Variants in CTRC observed in about 807,000 individuals in gnomAD.
CTRC encodes the protein chymotrypsin-C.
In CTRC, 32 loss-of-function variants were observed where a neutral mutation model predicts 35.7. The ratio of observed to expected loss-of-function variants is 0.90; its 90% CI spans 0.68 to 1.20. CTRC has a LOEUF of 1.20. CTRC is among the 50% of genes most tolerant of loss of function. CTRC has a pLI of 0.00. For synonymous variants in CTRC, 119 were observed against 149.5 expected (o/e 0.80, Z 1.49); for missense variants, 324 against 361.5 (o/e 0.90, Z 0.84).
chr1:15,439,525 G>T (rs1003279758), intron 1 of CTRC, among the ~76,000 whole-genome samples: 1 of 152,022 alleles, frequency 6.6e-6, no homozygotes, highest in Non-Finnish European at 1.5e-5. Flanking sequence ...TTAGTATCTT[G>T]CCTGACATCA....
chr1:15,443,869 A>G (rs1457259669), intron 5 of CTRC, among the ~76,000 whole-genome samples: 1 of 152,198 alleles, frequency 6.6e-6, no homozygotes, highest in Non-Finnish European at 1.5e-5. Flanking sequence ...GGTATACCGT[A>G]TGCCCAAATA....
chr1:15,446,670 T>TGC lies in CTRC; in HGVS notation c.*82_*83insCG. On this transcript the variant is annotated 3_prime_UTR_variant, in exon 8 of 8. Transcript: ENST00000375949. Reference sequence around the variant, plus strand: ...CCTCGGGCCACCTGGATCCTTGATTTGTGCAGCTTCTGTTGCTTCCCTCCT... The same window carrying TGC: ...CCTCGGGCCACCTGGATCCTTGATTTGCGTGCAGCTTCTGTTGCTTCCCTCCT... 6.6e-7 allele frequency: 1 copy of TGC among 1,520,952 alleles called. No homozygotes were observed. Among genetic ancestry groups the TGC allele is most frequent in the African/African-American group, 1.4e-5 (1 of 73,172 alleles). 94.2% of individuals were successfully genotyped at this position (1,520,952 alleles called of 1,614,324 possible).
chr1:15,442,646 G>C (rs1462144375), intron 4 of CTRC, 74 bp downstream of exon 4: 17 of 1,598,734 alleles, frequency 1.1e-5, no homozygotes, highest in Non-Finnish European at 1.5e-5. Flanking sequence ...CGGAGCCGCA[G>C]AGCCTGTCGC....
Position 15,440,314 on chromosome 1 carries a change from G to T in CTRC, c.55G>T (p.Val19Leu), listed in dbSNP as rs751854409. 9.3e-6 allele frequency: 15 copies of T among 1,608,376 alleles called. No homozygotes were observed. Among genetic ancestry groups the T allele is most frequent in the Non-Finnish European group, 1.3e-5 (15 of 1,178,486 alleles). ...ALLACASSCG[V>L]PSFPPNLSAR... ...TGTCTCCCCAGCCTCCAGCTGTGGG[G>T]TGCCCAGCTTCCCGCCCAACCTATC... The change falls in exon 2 of 8, where the codon GTG becomes TTG. Residue 19 changes from valine (V) to leucine (L), a missense_variant. By Grantham distance (32) the Val-to-Leu change is conservative. Transcript: ENST00000375949.
At chr1:15,440,204 C>CA (rs1227711993) in intron 1 of CTRC, 96 bp from the exon 2 acceptor site, 1 of 1,152,002 alleles carries the variant, frequency 8.7e-7, no homozygotes, top group African/African-American at 1.5e-5. Flanking sequence ...TGCCCAGCCC[C>CA]AACTCTGTGC....
rs1708152049 is a variant in CTRC at position 15,442,560 on chromosome 1, C to T, written c.344C>T (p.Ala115Val). ...ATCCACGTCCACAAGAGATGGAATG[C>T]CCTCCTGTTGCGGTGAGTGACAGAC... ...DTIHVHKRWNALLLRNDIALI... is the reference protein window; with the variant it reads ...DTIHVHKRWNVLLLRNDIALI... Residue 115 changes from alanine to valine, a missense_variant, in exon 4 of 8, where the codon GCC becomes GTC. Physicochemically the swap from Ala to Val is moderately conservative, Grantham distance 64. Coordinates refer to ENST00000375949, the MANE Select transcript of CTRC (RefSeq NM_007272.3). 20 of 1,613,932 alleles carry T rather than the reference C, an allele frequency of 1.2e-5. No homozygotes were observed. The highest frequency in any genetic ancestry group is 2.7e-5 in the African/African-American group (2 of 74,914).
rs539185686 is a variant in CTRC at position 15,447,618 on chromosome 1, T to C, written c.*1029T>C. On this transcript the variant is annotated 3_prime_UTR_variant, in exon 8 of 8. Transcript: ENST00000375949. ...ACATGCCAGGGGGATCAGACCCTGA[T>C]GATAGGGGCCTCTGGCCTGGCCTGC... The C allele has an allele frequency of 6.6e-6, 1 of 152,462 alleles. No homozygotes were observed. The highest frequency in any genetic ancestry group is 2.4e-5 in the African/African-American group (1 of 41,432). The allele number at this position is 152,462 out of a possible 1,614,324, so 9.4% of individuals were successfully genotyped here.
At chr1:15,443,026 C>T (rs1198263653) in intron 4 of CTRC, among the ~76,000 whole-genome samples, 1 of 152,192 alleles carries the variant, frequency 6.6e-6, no homozygotes, top group Non-Finnish European at 1.5e-5. Flanking sequence ...GGCCGGCCAG[C>T]TTTTATTCTT....
intron 3 of CTRC, among the ~76,000 whole-genome samples, chr1:15,440,814 T>C (rs1203374525): frequency 6.6e-6 from 1 of 152,238 alleles, no homozygotes; most frequent in East Asian, 1.9e-4. Context: ...GAAGCTTATA[T>C]TTTTGTGGAA....
At chr1:15,444,503 C>A in intron 5 of CTRC, 103 bp from the exon 6 acceptor site, 1 of 1,441,622 alleles carries the variant, frequency 6.9e-7, no homozygotes, top group Non-Finnish European at 9.7e-7. Context: ...TCAGCCGGCG[C>A]TCCCCTGGGT....
At chr1:15,445,983 TATTC>T (rs1431007921) in intron 7 of CTRC, among the ~76,000 whole-genome samples, 1 of 147,514 alleles carries the variant, frequency 6.8e-6, no homozygotes, top group Admixed American at 6.8e-5. Context: ...TTTATTCACT[TATTC>T]ATTCACTCAT....
chr1:15,445,626 G>A lies in CTRC; in HGVS notation c.669G>A (p.Gln223=). The change falls in exon 7 of 8, where the codon CAG becomes CAA. Residue 223 remains glutamine (Q), a synonymous_variant. Coordinates refer to ENST00000375949, the MANE Select transcript of CTRC (RefSeq NM_007272.3). ...ACTCCGGTGGCCCACTGAACTGCCAGTTGGAGAACGGTTCCTGGGAGGTGT... is the reference window on the plus strand; with the variant it reads ...ACTCCGGTGGCCCACTGAACTGCCAATTGGAGAACGGTTCCTGGGAGGTGT... ...NGDSGGPLNC[Q]LENGSWEVFG... 1.9e-6 allele frequency: 3 copies of A among 1,614,202 alleles called. No homozygotes were observed. The highest frequency in any genetic ancestry group is 1.7e-6 in the Non-Finnish European group (2 of 1,180,026).
chr1:15,443,604 G>C lies in CTRC; in HGVS notation c.493+49G>C, dbSNP rs6679763. The C allele has an allele frequency of 0.015, 24,633 of 1,613,178 alleles. 944 individuals carry two copies. The highest frequency in any genetic ancestry group is 0.1 in the African/African-American group (7,520 of 75,016). ...CTGAGAGCCTTCCTGAAGGAAGCAG[G>C]ACGTCACCCACATTTGTCCACCACT... is the stretch of plus-strand genomic sequence containing the variant. On this transcript the variant is annotated intron_variant, in intron 5 of 7. Transcript: ENST00000375949.
Position 15,442,382 on chromosome 1 carries a change from C to G in CTRC, c.231-65C>G, listed in dbSNP as rs1478160811. Reference sequence around the variant, plus strand: ...GAGTCCCACTAAAGCCCCGAGCTCCCTCTCTATCCCACTGGCTGGCAGGAC... The same window carrying G: ...GAGTCCCACTAAAGCCCCGAGCTCCGTCTCTATCCCACTGGCTGGCAGGAC... On this transcript the variant is annotated intron_variant, in intron 3 of 7. Coordinates refer to ENST00000375949, the MANE Select transcript of CTRC (RefSeq NM_007272.3). 26 of 1,559,786 alleles carry G rather than the reference C, an allele frequency of 1.7e-5. No individual in the cohort carries two copies. In the East Asian group the frequency reaches 6.3e-4, roughly 38 times the overall value.
chr1:15,441,447 G>A (rs945489935), intron 3 of CTRC, among the ~76,000 whole-genome samples: 67 of 152,174 alleles, frequency 4.4e-4, no homozygotes, highest in African/African-American at 1.4e-3. Context: ...GAGAAATAAC[G>A]CGGAAGCCGG....
rs1163975091 is a variant in CTRC at position 15,440,505 on chromosome 1, TAC to T, written c.146_147del (p.Tyr49SerfsTer17). ...CACCCTCCTGCAGATCTCCCTCCAG[TAC>T]CTCAAGAACGACACGTGGAGGCATA... Reference protein sequence around the residue: ...HSWPWQISLQYLKNDTWRHTC... With the variant: ...HSWPWQISLQXLKNDTWRHTC... On this transcript the variant is annotated frameshift_variant, in exon 3 of 8. Coordinates refer to ENST00000375949, the MANE Select transcript of CTRC (RefSeq NM_007272.3). LOFTEE classifies it high-confidence loss of function. The T allele has an allele frequency of 6.2e-7, 1 of 1,614,046 alleles. No individual in the cohort carries two copies. The highest frequency in any genetic ancestry group is 8.5e-7 in the Non-Finnish European group (1 of 1,180,012).
intron 1 of CTRC, among the ~76,000 whole-genome samples, chr1:15,438,776 C>G (rs536481690): frequency 1.3e-5 from 2 of 152,166 alleles, no homozygotes; most frequent in Non-Finnish European, 2.9e-5. Context: ...GGGAGGGACA[C>G]GAGATGCCTC....
chr1:15,442,800 C>T (rs920913355), intron 4 of CTRC, among the ~76,000 whole-genome samples: 1 of 152,086 alleles, frequency 6.6e-6, no homozygotes, highest in African/African-American at 2.4e-5. Context: ...ACAAGGAAGG[C>T]CCCCCACAGT....
intron 1 of CTRC, among the ~76,000 whole-genome samples, chr1:15,439,380 G>A (rs976734350): frequency 2.7e-5 from 4 of 147,320 alleles, no homozygotes; most frequent in Non-Finnish European, 4.5e-5. Context: ...CCGAGATCGC[G>A]CCATCAAACT....
Sources: allele counts gnomAD v4.1 joint callset (sites outside exome capture counted in the v4.1 genomes callset), GRCh38; gene constraint gnomAD v4.1.1; transcripts MANE v1.5; gene names NCBI Gene and HGNC (gene_info 2026-07-23, HGNC 2026-07-21).